The following DOCK5 variants were observed in gnomAD, a reference collection of about 807,000 sequenced individuals.
The protein encoded by DOCK5 is dedicator of cytokinesis protein 5.
DOCK5 carries 142 observed loss-of-function variants against 251.8 expected under a neutral mutation model. The ratio of observed to expected loss-of-function variants is 0.56; its 90% CI spans 0.49 to 0.65. The LOEUF is 0.65. Ranked by LOEUF, DOCK5 falls within the 30% of genes least tolerant of loss-of-function variation. The pLI, the probability that DOCK5 is intolerant of heterozygous loss-of-function variation, is 0.00. For synonymous variants in DOCK5, 842 were observed against 835.5 expected, an observed-to-expected ratio of 1.01 and a Z score of -0.13; for missense variants, 2,111 against 2,312.3, an observed-to-expected ratio of 0.91 and a Z score of 1.79.
In DOCK5 at chr8:25,259,052, G is replaced by A. The variant is rs184418343; in HGVS notation, c.128-9793G>A. Among the ~76,000 whole-genome samples, 374 of 152,298 alleles carry A rather than the reference G, an allele frequency of 2.5e-3. 2 individuals are homozygous for A. Among genetic ancestry groups the A allele is most frequent in the Admixed American group, 4.4e-3 (68 of 15,302 alleles). On this transcript the variant is annotated intron_variant, in intron 2 of 51. Transcript: ENST00000276440. Reference sequence around the variant, plus strand: ...GAGAATTGCTTGAGCCCGGGGGGGCGGAGGTTGCAGTGAGGTGAAATCATG... The same window carrying A: ...GAGAATTGCTTGAGCCCGGGGGGGCAGAGGTTGCAGTGAGGTGAAATCATG...
intron 2 of DOCK5, among the ~76,000 whole-genome samples, chr8:25,249,739 G>A (rs1047305953): frequency 4.6e-5 from 7 of 152,078 alleles, no homozygotes; most frequent in South Asian, 2.1e-4. Flanking sequence ...GGTGCACACC[G>A]CTACACCCAG....
chr8:25,383,037 T>C (rs963333366), intron 40 of DOCK5, among the ~76,000 whole-genome samples: 1 of 152,166 alleles, frequency 6.6e-6, no homozygotes, highest in Admixed American at 6.5e-5. Flanking sequence ...CCCGCACTGG[T>C]CAGCTGCTAC....
At chr8:25,323,094 T>C (rs1169402235) in intron 16 of DOCK5, among the ~76,000 whole-genome samples, 4 of 152,104 alleles carry the variant, frequency 2.6e-5, no homozygotes, top group Non-Finnish European at 5.9e-5. Flanking sequence ...GTTACCCTAC[T>C]CAGAGCCACT....
intron 1 of DOCK5, among the ~76,000 whole-genome samples, chr8:25,233,266 G>A (rs933352531): frequency 6.6e-6 from 1 of 152,154 alleles, no homozygotes; most frequent in South Asian, 2.1e-4. Context: ...GAAAACCAAC[G>A]TGTCATGTAC....
At chr8:25,206,105 C>A (rs1010412933) in intron 1 of DOCK5, among the ~76,000 whole-genome samples, 1 of 152,072 alleles carries the variant, frequency 6.6e-6, no homozygotes, top group Non-Finnish European at 1.5e-5. Context: ...AGTAGTTGAA[C>A]TTTATAGAGA....
chr8:25,243,721 A>G lies in DOCK5; in HGVS notation c.91A>G (p.Ile31Val). ...TCAAGATGTGGAGCTCTCCTTGCAG[A>G]TCGGTGACACAGTTCACATCCTGGA... Reference protein sequence around the residue: ...ASQDVELSLQIGDTVHILEMY... With the variant: ...ASQDVELSLQVGDTVHILEMY... Residue 31 changes from isoleucine (I) to valine (V), a missense_variant, in exon 2 of 52, where the codon ATC becomes GTC. Coordinates refer to ENST00000276440, the MANE Select transcript of DOCK5 (RefSeq NM_024940.8). 1 of 1,613,788 alleles carries G rather than the reference A, an allele frequency of 6.2e-7. No homozygotes were observed. The highest frequency in any genetic ancestry group is 1.1e-5 in the South Asian group (1 of 91,054).
At chr8:25,310,675 C>A (rs1586317695) in intron 13 of DOCK5, 143 bp downstream of exon 13, 2 of 904,770 alleles carry the variant, frequency 2.2e-6, no homozygotes, top group Non-Finnish European at 3.1e-6. Flanking sequence ...AACAGAGACA[C>A]CTGCAATACT....
Position 25,413,867 on chromosome 8 carries a change from G to T in DOCK5, c.*2569G>T, listed in dbSNP as rs1033294957. On this transcript the variant is annotated 3_prime_UTR_variant, in exon 52 of 52. Transcript: ENST00000276440. The stretch of plus-strand genomic sequence containing the variant: ...GTTCATTTTTTAGGGAAGGTGTTGG[G>T]TAGGAAGAGTCACATTTGACAGAAT... 6.6e-6 allele frequency: 1 copy of T among 152,178 alleles called. No individual in the cohort carries two copies. The highest frequency in any genetic ancestry group is 2.4e-5 in the African/African-American group (1 of 41,426). 9.4% of individuals were successfully genotyped at this position (152,178 alleles called of 1,614,324 possible).
intron 5 of DOCK5, among the ~76,000 whole-genome samples, chr8:25,284,551 TCCA>T (rs1804282921): frequency 6.6e-6 from 1 of 152,178 alleles, no homozygotes; most frequent in Non-Finnish European, 1.5e-5. Flanking sequence ...AGATTTTCTA[TCCA>T]CTATTCTTCC....
intron 14 of DOCK5, among the ~76,000 whole-genome samples, chr8:25,317,675 A>G (rs1198995530): frequency 6.6e-6 from 1 of 152,134 alleles, no homozygotes; most frequent in East Asian, 1.9e-4. Context: ...CAGTGGCACG[A>G]TCTCCACTCA....
intron 42 of DOCK5, among the ~76,000 whole-genome samples, 154 bp downstream of exon 42, chr8:25,390,441 TACAAAAAAGAG>T (rs1801237500): frequency 6.6e-6 from 1 of 152,174 alleles, no homozygotes; most frequent in Non-Finnish European, 1.5e-5. Context: ...ATGCTGTCTC[TACAAAAAAGAG>T]AAAAGTTTGT....
chr8:25,410,479 G>A (rs925736980), intron 51 of DOCK5, among the ~76,000 whole-genome samples: 4 of 151,756 alleles, frequency 2.6e-5, no homozygotes, highest in Non-Finnish European at 4.4e-5. Flanking sequence ...TTAGGGGGGC[G>A]GGGGCAGGGT....
rs114091730 is a variant in DOCK5, at chr8:25,197,430, C to T, written c.43+12479C>T. ...GTGCCATTGCAAAGCCACTGTTGTT[C>T]GAATGGGTTCATGGTCATTATCCAC... On this transcript the variant is annotated intron_variant, in intron 1 of 51. Transcript: ENST00000276440. Among the ~76,000 whole-genome samples, 798 of 152,246 alleles carry T rather than the reference C, an allele frequency of 5.2e-3. 4 individuals are homozygous for T. Among genetic ancestry groups the T allele is most frequent in the East Asian group, 0.017 (89 of 5,172 alleles).
At chr8:25,294,574 G>T (rs892593251) in intron 6 of DOCK5, among the ~76,000 whole-genome samples, 1 of 152,192 alleles carries the variant, frequency 6.6e-6, no homozygotes, top group East Asian at 1.9e-4. Context: ...TTGCACCCAC[G>T]ATATGGCCGT....
At chr8:25,276,007 A>C (rs1804036239) in intron 4 of DOCK5, among the ~76,000 whole-genome samples, 1 of 152,130 alleles carries the variant, frequency 6.6e-6, no homozygotes, top group Non-Finnish European at 1.5e-5. Context: ...AAGTAGCAAA[A>C]ACTGAGGGCT....
chr8:25,400,967 G>C lies in DOCK5; in HGVS notation c.4827G>C (p.Glu1609Asp), dbSNP rs143888591. 9 of 1,613,894 alleles carry C rather than the reference G, an allele frequency of 5.6e-6. No homozygotes were observed. The highest frequency in any genetic ancestry group is 7.6e-6 in the Non-Finnish European group (9 of 1,179,898). Residue 1609 changes from glutamate (E) to aspartate (D), a missense_variant, in exon 47 of 52, where the codon GAG becomes GAC. Transcript: ENST00000276440. ...LLTEGIRIHG[E>D]KLTEQLKPLH... ...CAGAAGGGATCCGCATCCATGGGGA[G>C]AAACTCACAGAGCAGCTGAAGCCGC...
At position 25,319,681 on chromosome 8, in the gene DOCK5, G is replaced by A; in HGVS notation, c.1542+5G>A. ...TGTTGGTATGAGACTGTCAAGGTGA[G>A]AATGAGTCATTTGTAACCCCTGTTA... On this transcript the variant is annotated splice_donor_5th_base_variant and intron_variant, in intron 15 of 51. Transcript: ENST00000276440. 1 of 1,565,182 alleles carries A rather than the reference G, an allele frequency of 6.4e-7. No homozygotes were observed. Among genetic ancestry groups the A allele is most frequent in the East Asian group, 2.3e-5 (1 of 43,254 alleles).
At chr8:25,273,848 C>T (rs1803976785) in intron 3 of DOCK5, among the ~76,000 whole-genome samples, 1 of 152,090 alleles carries the variant, frequency 6.6e-6, no homozygotes, top group African/African-American at 2.4e-5. Flanking sequence ...TTCTGAATCC[C>T]ACCTCCATAA....
chr8:25,200,661 C>A (rs1025406884), intron 1 of DOCK5, among the ~76,000 whole-genome samples: 2 of 152,152 alleles, frequency 1.3e-5, no homozygotes, highest in African/African-American at 2.4e-5. Flanking sequence ...TTTTTGTTAC[C>A]TTAGAATAGA....
Sources: allele counts gnomAD v4.1 joint callset (sites outside exome capture counted in the v4.1 genomes callset), GRCh38; gene constraint gnomAD v4.1.1; transcripts MANE v1.5; gene names NCBI Gene and HGNC (gene_info 2026-07-23, HGNC 2026-07-21).